Variants in PON3 observed in about 807,000 individuals in gnomAD.
PON3 encodes paraoxonase 3, also known as serum paraoxonase/lactonase 3.
PON3 carries 37 observed loss-of-function variants against 36.3 expected under a neutral mutation model. The observed-to-expected ratio is 1.02, with a 90% confidence interval of 0.78 to 1.34. The LOEUF (loss-of-function observed/expected upper bound fraction) is 1.34. Among genes scored for constraint, PON3 ranks in the 40% most tolerant of loss-of-function variants. The pLI, the probability that PON3 is intolerant of heterozygous loss-of-function variation, is 0.00. For missense variants in PON3, 415 were observed against 426.5 expected, an observed-to-expected ratio of 0.97 and a Z score of 0.24; for synonymous variants, 155 against 154.8, an observed-to-expected ratio of 1.00 and a Z score of -0.01.
intron 3 of PON3, 107 bp from the exon 4 acceptor site, chr7:95,372,445 T>G (rs976290155): frequency 9.0e-6 from 11 of 1,226,756 alleles, no homozygotes; most frequent in African/African-American, 1.5e-5. Context: ...AGTTCTAAAT[T>G]TCATTTAGAT....
At chr7:95,396,242 G>C in intron 1 of PON3, 35 bp downstream of exon 1, 1 of 1,561,218 alleles carries the variant, frequency 6.4e-7, no homozygotes, top group African/African-American at 1.6e-5. Flanking sequence ...AGGAGAGAAA[G>C]AGAGTCGAAG....
chr7:95,367,682 G>A lies in PON3; in HGVS notation c.368-194C>T, dbSNP rs531166820. On this transcript the variant is annotated intron_variant, in intron 4 of 8. Coordinates refer to ENST00000265627, the MANE Select transcript of PON3 (RefSeq NM_000940.3). ...TTGAGGAAATTGAAGCTCAGGAGGC[G>A]AATGATCCATCAGCAATTTCATCAC... is the stretch of plus-strand genomic sequence containing the variant. Among the ~76,000 whole-genome samples the A allele has an allele frequency of 4.8e-3, 734 of 152,240 alleles. 9 individuals are homozygous for A. The highest frequency in any genetic ancestry group is 7.0e-3 in the Non-Finnish European group (479 of 67,994).
chr7:95,394,501 G>A (rs1046882908), intron 2 of PON3, 143 bp downstream of exon 2: 4 of 723,232 alleles, frequency 5.5e-6, no homozygotes, highest in Non-Finnish European at 1.0e-5. Flanking sequence ...TGAAGACCTT[G>A]CATGGGGCAG....
intron 3 of PON3, among the ~76,000 whole-genome samples, chr7:95,384,904 G>A (rs1023378400): frequency 3.9e-5 from 6 of 152,116 alleles, no homozygotes; most frequent in Non-Finnish European, 7.4e-5. Flanking sequence ...ACATGCACAC[G>A]TATGTTTATT....
At chr7:95,375,378 A>G (rs1808894840) in intron 3 of PON3, among the ~76,000 whole-genome samples, 1 of 150,028 alleles carries the variant, frequency 6.7e-6, no homozygotes. Context: ...TAAAAAATAT[A>G]TAATAATTAT....
chr7:95,389,935 C>T (rs1020199933), intron 3 of PON3, among the ~76,000 whole-genome samples: 1 of 152,162 alleles, frequency 6.6e-6, no homozygotes, highest in African/African-American at 2.4e-5. Flanking sequence ...TATGCCACTA[C>T]CCCCAGGGAG....
At chr7:95,393,132 G>A (rs1193262368) in intron 2 of PON3, among the ~76,000 whole-genome samples, 1 of 152,154 alleles carries the variant, frequency 6.6e-6, no homozygotes, top group African/African-American at 2.4e-5. Context: ...AGAAAAGGCA[G>A]AAAACTCAAA....
chr7:95,377,062 A>G (rs764342953), intron 3 of PON3, among the ~76,000 whole-genome samples: 5 of 152,214 alleles, frequency 3.3e-5, no homozygotes, highest in African/African-American at 7.2e-5. Context: ...TGCTTTTCCC[A>G]CAGTCTTTGC....
At chr7:95,364,955 AT>A (rs1044393655) in intron 5 of PON3, 17 of 152,306 alleles carry the variant, frequency 1.1e-4, no homozygotes, top group African/African-American at 3.8e-4. Flanking sequence ...TTTAGATTAA[AT>A]TTTAGGGAGG....
At chr7:95,388,367 T>C (rs1037035426) in intron 3 of PON3, among the ~76,000 whole-genome samples, 3 of 152,114 alleles carry the variant, frequency 2.0e-5, no homozygotes, top group Non-Finnish European at 4.4e-5. Flanking sequence ...ATCAGAGAAA[T>C]GTAAATGAAA....
intron 3 of PON3, among the ~76,000 whole-genome samples, chr7:95,384,444 C>T (rs1223003229): frequency 6.6e-6 from 1 of 152,146 alleles, no homozygotes; most frequent in Non-Finnish European, 1.5e-5. Flanking sequence ...AAAATTTTTT[C>T]AGTCTACTCA....
intron 3 of PON3, among the ~76,000 whole-genome samples, chr7:95,385,277 C>A (rs1339831373): frequency 6.6e-6 from 1 of 152,076 alleles, no homozygotes; most frequent in Non-Finnish European, 1.5e-5. Flanking sequence ...TGGTGCAGCA[C>A]ACCAACATGG....
At chr7:95,379,730 C>T (rs905711739) in intron 3 of PON3, among the ~76,000 whole-genome samples, 6 of 152,200 alleles carry the variant, frequency 3.9e-5, no homozygotes, top group Non-Finnish European at 7.3e-5. Context: ...TGGAGCCCAC[C>T]GCAGCTCAAG....
intron 3 of PON3, among the ~76,000 whole-genome samples, chr7:95,382,451 A>G (rs181101273): frequency 6.6e-6 from 1 of 152,108 alleles, no homozygotes; most frequent in African/African-American, 2.4e-5. Flanking sequence ...TTGATAGACC[A>G]CTAGCAAGAC....
At chr7:95,379,368 G>A (rs1289321551) in intron 3 of PON3, among the ~76,000 whole-genome samples, 1 of 152,242 alleles carries the variant, frequency 6.6e-6, no homozygotes, top group Non-Finnish European at 1.5e-5. Context: ...AGGACAGTGG[G>A]TGCAGCGCAC....
chr7:95,374,866 T>C (rs1221519248), intron 3 of PON3, among the ~76,000 whole-genome samples: 1 of 152,104 alleles, frequency 6.6e-6, no homozygotes, highest in Non-Finnish European at 1.5e-5. Context: ...CCTCCTTCTG[T>C]TTTTATCGAT....
intron 2 of PON3, among the ~76,000 whole-genome samples, chr7:95,393,801 A>G (rs1263805136): frequency 6.6e-6 from 1 of 152,144 alleles, no homozygotes; most frequent in African/African-American, 2.4e-5. Flanking sequence ...TTAACTGACT[A>G]AAAAAGAAGG....
intron 2 of PON3, among the ~76,000 whole-genome samples, chr7:95,391,231 G>C (rs1185949690): frequency 6.6e-6 from 1 of 152,124 alleles, no homozygotes; most frequent in East Asian, 1.9e-4. Context: ...GAAAACACAT[G>C]GAACCTATTA....
chr7:95,380,608 G>A (rs929596168), intron 3 of PON3, among the ~76,000 whole-genome samples: 8 of 152,186 alleles, frequency 5.3e-5, no homozygotes, highest in Non-Finnish European at 1.0e-4. Context: ...AACAATGATT[G>A]AAGATCAAAT....
Sources: gnomAD v4.1 joint callset for allele counts (sites outside exome capture counted in the v4.1 genomes callset) on GRCh38, gnomAD v4.1.1 for gene constraint, MANE v1.5 for transcripts, NCBI Gene and HGNC (gene_info 2026-07-23, HGNC 2026-07-21) for gene names.